EML6: variants seen among roughly 807,000 people sequenced by gnomAD.
The protein encoded by EML6 is echinoderm microtubule-associated protein-like 6.
Under a neutral mutation model 240.1 loss-of-function variants are expected in EML6, and 154 were observed. The observed-to-expected ratio is 0.64, with a 90% CI of 0.56 to 0.73. The LOEUF (loss-of-function observed/expected upper bound fraction) is 0.73. Among genes scored for constraint, EML6 ranks in the 30% least tolerant of loss-of-function variants. EML6 has a pLI of 0.00. For synonymous variants in EML6, 1,148 were observed against 899.0 expected, an observed-to-expected ratio of 1.28 and a Z score of -4.95; for missense variants, 2,964 against 2,474.6, an observed-to-expected ratio of 1.20 and a Z score of -4.20.
chr2:54,772,373 A>T (rs2103809543), intron 2 of EML6, among the ~76,000 whole-genome samples: 1 of 152,338 alleles, frequency 6.6e-6, no homozygotes, highest in South Asian at 2.1e-4. Context: ...GAAATGAGTA[A>T]TGAGAGGTGT....
At chr2:54,931,049 C>T (rs1674831392) in intron 28 of EML6, among the ~76,000 whole-genome samples, 1 of 151,288 alleles carries the variant, frequency 6.6e-6, no homozygotes, top group African/African-American at 2.4e-5. Flanking sequence ...GCTCCGCCTC[C>T]CGGGTTCACG....
intron 28 of EML6, among the ~76,000 whole-genome samples, chr2:54,940,375 T>C (rs995371599): frequency 2.0e-5 from 3 of 152,206 alleles, no homozygotes; most frequent in Non-Finnish European, 2.9e-5. Context: ...TTGTTTGTTT[T>C]GGTCATGTTT....
At chr2:54,947,234 AG>A (rs1219072422) in intron 28 of EML6, among the ~76,000 whole-genome samples, 2 of 152,286 alleles carry the variant, frequency 1.3e-5, no homozygotes, top group East Asian at 3.9e-4. Flanking sequence ...CTAAAACAGA[AG>A]AAAGAGCAGA....
At chr2:54,909,204 G>A (rs1253937980) in intron 24 of EML6, among the ~76,000 whole-genome samples, 2 of 152,124 alleles carry the variant, frequency 1.3e-5, no homozygotes, top group Admixed American at 6.5e-5. Context: ...AACCGTCCAC[G>A]TGCTTTGTCA....
At chr2:54,800,502 C>T (rs1670074097) in intron 2 of EML6, among the ~76,000 whole-genome samples, 1 of 152,106 alleles carries the variant, frequency 6.6e-6, no homozygotes, top group African/African-American at 2.4e-5. Context: ...AATAATCGGT[C>T]TTCAGAGACC....
intron 32 of EML6, among the ~76,000 whole-genome samples, chr2:54,956,018 C>CAT (rs111882743): frequency 2.7e-5 from 4 of 150,190 alleles, no homozygotes; most frequent in African/African-American, 9.8e-5. Context: ...TTTTGGGGAA[C>CAT]GTGTGTGTGT....
intron 16 of EML6, among the ~76,000 whole-genome samples, chr2:54,876,452 T>A (rs1284195271): frequency 6.6e-6 from 1 of 152,212 alleles, no homozygotes; most frequent in East Asian, 1.9e-4. Context: ...ACAGTGAGGA[T>A]AAGCTGACAG....
chr2:54,958,874 G>A (rs1024063388), intron 33 of EML6, among the ~76,000 whole-genome samples: 1 of 152,094 alleles, frequency 6.6e-6, no homozygotes, highest in Non-Finnish European at 1.5e-5. Flanking sequence ...CAGAGGGGAA[G>A]TCAGATGCCC....
At chr2:54,744,994 T>C (rs901352909) in intron 2 of EML6, among the ~76,000 whole-genome samples, 1 of 118,800 alleles carries the variant, frequency 8.4e-6, no homozygotes, top group Non-Finnish European at 1.7e-5. Flanking sequence ...AGTGAGGGAG[T>C]GAGGGAAAGA....
intron 28 of EML6, among the ~76,000 whole-genome samples, chr2:54,942,339 T>G (rs1380778065): frequency 6.6e-6 from 1 of 152,246 alleles, no homozygotes; most frequent in Non-Finnish European, 1.5e-5. Flanking sequence ...CAAAAATATG[T>G]AAGCACTTTT....
intron 4 of EML6, among the ~76,000 whole-genome samples, chr2:54,817,684 T>G (rs1033154061): frequency 6.6e-6 from 1 of 152,112 alleles, no homozygotes; most frequent in African/African-American, 2.4e-5. Flanking sequence ...CTTAAGAACG[T>G]TTACAAATTT....
chr2:54,750,868 G>C (rs1684131988), intron 2 of EML6, among the ~76,000 whole-genome samples: 1 of 152,166 alleles, frequency 6.6e-6, no homozygotes, highest in South Asian at 2.1e-4. Context: ...TGTCCGATCA[G>C]TGCAAGAAAT....
chr2:54,802,704 G>A (rs1670235666), intron 2 of EML6, among the ~76,000 whole-genome samples: 1 of 150,718 alleles, frequency 6.6e-6, no homozygotes, highest in Admixed American at 6.6e-5. Flanking sequence ...TAATAATTTA[G>A]TTGCTCTGAT....
chr2:54,915,800 G>T (rs1455132893), intron 25 of EML6, among the ~76,000 whole-genome samples: 1 of 152,028 alleles, frequency 6.6e-6, no homozygotes, highest in Non-Finnish European at 1.5e-5. Context: ...AGAGAGATCT[G>T]GGCTTTAATT....
Position 54,957,886 on chromosome 2 carries a change from A to C in EML6, c.4583A>C (p.Lys1528Thr), listed in dbSNP as rs1466242819. 1.3e-6 allele frequency: 2 copies of C among 1,551,396 alleles called. No homozygotes were observed. The highest frequency in any genetic ancestry group is 1.7e-6 in the Non-Finnish European group (2 of 1,147,002). ...SDTQFVSVGVKHMKFWTLAGS... is the reference protein window; with the variant it reads ...SDTQFVSVGVTHMKFWTLAGS... Reference sequence around the variant, plus strand: ...ACGCAGTTTGTATCTGTCGGGGTCAAACATATGAAGTTCTGGACCCTGGCA... The same window carrying C: ...ACGCAGTTTGTATCTGTCGGGGTCACACATATGAAGTTCTGGACCCTGGCA... Residue 1528 changes from lysine (K) to threonine (T), a missense_variant, in exon 33 of 42, where the codon AAA (lysine) becomes ACA (threonine). By Grantham distance (78) the Lys-to-Thr change is moderately conservative. Transcript: ENST00000356458.
chr2:54,863,283 CCCAGGTAT>C (rs1181062114), intron 12 of EML6, among the ~76,000 whole-genome samples: 4 of 152,188 alleles, frequency 2.6e-5, no homozygotes, highest in Non-Finnish European at 4.4e-5. Flanking sequence ...AAGCTTAAAA[CCCAGGTAT>C]CTGCTATCTA....
At chr2:54,895,493 G>A in intron 21 of EML6, 93 bp downstream of exon 21, 1 of 1,264,562 alleles carries the variant, frequency 7.9e-7, no homozygotes, top group South Asian at 1.4e-5. Context: ...ACTTAAGGAG[G>A]CACTCACTCT....
chr2:54,896,553 C>A (rs1345697379), intron 21 of EML6, among the ~76,000 whole-genome samples: 1 of 152,036 alleles, frequency 6.6e-6, no homozygotes, highest in Non-Finnish European at 1.5e-5. Context: ...ATGGATAAGA[C>A]CATATTTAGG....
intron 40 of EML6, among the ~76,000 whole-genome samples, 186 bp from the exon 41 acceptor site, chr2:54,968,482 T>C (rs1260240368): frequency 6.6e-6 from 1 of 152,076 alleles, no homozygotes. Context: ...TAAAATGACC[T>C]GAAGTGGGGC....
Sources: allele counts gnomAD v4.1 joint callset (sites outside exome capture counted in the v4.1 genomes callset), GRCh38; gene constraint gnomAD v4.1.1; transcripts MANE v1.5; gene names NCBI Gene and HGNC (gene_info 2026-07-23, HGNC 2026-07-21).